The following SPG7 variants were observed in gnomAD, a reference collection of about 807,000 sequenced individuals.
SPG7 encodes SPG7 matrix AAA peptidase subunit, paraplegin.
In SPG7, 103 loss-of-function variants were observed where a neutral mutation model predicts 81.9. The ratio of observed to expected loss-of-function variants is 1.26; its 90% CI spans 1.07 to 1.48. The LOEUF (loss-of-function observed/expected upper bound fraction) is 1.48, where lower values mean the gene tolerates loss of function less well. SPG7 is among the 40% of genes most tolerant of loss of function. The pLI is 0.00. For missense variants in SPG7, 1,241 were observed against 1,087.3 expected, an observed-to-expected ratio of 1.14 and a Z score of -1.99; for synonymous variants, 534 against 444.2, an observed-to-expected ratio of 1.20 and a Z score of -2.54.
At chr16:89,542,269 G>A (rs1261990148) in intron 9 of SPG7, 2 of 152,212 alleles carry the variant, frequency 1.3e-5, no homozygotes, top group African/African-American at 4.8e-5. Context: ...GGCGCTCCAC[G>A]ACACTGAGCA....
intron 10 of SPG7, chr16:89,545,028 C>T (rs1024477462): frequency 4.6e-5 from 25 of 542,040 alleles, no homozygotes; most frequent in African/African-American, 9.5e-5. Context: ...ACTCACTGCT[C>T]GGGGTTTTGC....
Position 89,510,405 on chromosome 16 carries a change from T to C in SPG7, c.184-85T>C, listed in dbSNP as rs563066366. 23 of 817,748 alleles carry C rather than the reference T, an allele frequency of 2.8e-5. No homozygotes were observed. In the East Asian group the frequency reaches 5.9e-4, roughly 21 times the overall value. 50.7% of individuals were successfully genotyped at this position (817,748 alleles called of 1,614,324 possible). On this transcript the variant is annotated intron_variant, in intron 1 of 16. Transcript: ENST00000645818. ...ATTACAAATAATTATATATTTGAAC[T>C]TTTAAAAACGATTTTTAGTCTGCAT...
At chr16:89,534,108 C>T (rs557283069) in intron 9 of SPG7, among the ~76,000 whole-genome samples, 5 of 152,344 alleles carry the variant, frequency 3.3e-5, no homozygotes, top group African/African-American at 1.2e-4. Context: ...GCCACCACCA[C>T]GTGTCTCCAG....
intron 16 of SPG7, chr16:89,555,926 C>G (rs563866828): frequency 2.5e-6 from 1 of 398,858 alleles, no homozygotes; most frequent in African/African-American, 2.1e-5. Context: ...CTTAGACTGT[C>G]GTCCCCAGCC....
At chr16:89,532,658 A>C (rs781039710) in intron 9 of SPG7, 22 bp downstream of exon 9, 2 of 1,612,384 alleles carry the variant, frequency 1.2e-6, no homozygotes, top group Non-Finnish European at 1.7e-6. Flanking sequence ...TGCGCCCCGC[A>C]CCCCCATTGC....
Position 89,532,020 on chromosome 16 carries a change from G to A in SPG7, c.1104G>A (p.Val368=). Residue 368 remains valine, a synonymous_variant, in exon 8 of 17, where the codon GTG becomes GTA. Transcript: ENST00000645818. ...AGGCGGTGGCCACGGAGGCTCAGGTGCCCTTCCTGGCGATGGCCGGCCCAG... is the reference window on the plus strand; with the variant it reads ...AGGCGGTGGCCACGGAGGCTCAGGTACCCTTCCTGGCGATGGCCGGCCCAG... ...LAKAVATEAQ[V]PFLAMAGPEF... is the part of the protein sequence containing the mutation. 6 of 1,613,682 alleles carry A rather than the reference G, an allele frequency of 3.7e-6. No homozygotes were observed. Among genetic ancestry groups the A allele is most frequent in the Non-Finnish European group, 5.1e-6 (6 of 1,179,978 alleles).
At chr16:89,513,937 C>A (rs986798213) in intron 3 of SPG7, among the ~76,000 whole-genome samples, 1 of 152,092 alleles carries the variant, frequency 6.6e-6, no homozygotes, top group African/African-American at 2.4e-5. Flanking sequence ...ATTGTGAATT[C>A]GAGTTTAGCA....
intron 5 of SPG7, chr16:89,528,586 A>G (rs1345386964): frequency 6.6e-6 from 1 of 150,768 alleles, no homozygotes; most frequent in Non-Finnish European, 1.5e-5. Context: ...GGATGAGGGC[A>G]AAAGTCCTGG....
At position 89,524,028 on chromosome 16, in the gene SPG7, G is replaced by A. The variant is rs755161644; in HGVS notation, c.399G>A (p.Arg133=). The A allele has an allele frequency of 1.9e-6, 3 of 1,613,174 alleles. No individual in the cohort carries two copies. The East Asian group carries it at 6.7e-5, about 36-fold the overall frequency. ...EDEEERRRRE[R]DDQMYRERLR... Reference sequence around the variant, plus strand: ...CAGAGGAGAGGAGACGCCGTGAGCGGGACGACCAGATGTACCGAGAGCGGC... The same window carrying A: ...CAGAGGAGAGGAGACGCCGTGAGCGAGACGACCAGATGTACCGAGAGCGGC... The change falls in exon 4 of 17, where the codon CGG becomes CGA. Residue 133 remains arginine (R), a synonymous_variant. Coordinates refer to ENST00000645818, the MANE Select transcript of SPG7 (RefSeq NM_003119.4).
chr16:89,510,198 C>T (rs2057995883), intron 1 of SPG7, among the ~76,000 whole-genome samples: 1 of 151,924 alleles, frequency 6.6e-6, no homozygotes, highest in South Asian at 2.1e-4. Context: ...TGGTCTCAAA[C>T]TCCTGACTTC....
chr16:89,517,609 T>C (rs982818606), intron 3 of SPG7: 2 of 149,274 alleles, frequency 1.3e-5, no homozygotes, highest in African/African-American at 4.9e-5. Context: ...TGAGTAATTG[T>C]CGTCGTCTTT....
At chr16:89,529,650 T>A in intron 6 of SPG7, 71 bp downstream of exon 6, 3 of 1,156,204 alleles carry the variant, frequency 2.6e-6, no homozygotes, top group Non-Finnish European at 3.8e-6. Context: ...TCCCATAAGC[T>A]ATACGATGAA....
chr16:89,553,740 A>G lies in SPG7; in HGVS notation c.1937-54A>G, dbSNP rs730264. The G allele has an allele frequency of 0.19, 299,060 of 1,579,840 alleles. 29,389 individuals are homozygous for G. Among genetic ancestry groups the G allele is most frequent in the African/African-American group, 0.26 (19,365 of 74,378 alleles). On this transcript the variant is annotated intron_variant, in intron 14 of 16. Transcript: ENST00000645818. Reference sequence around the variant, plus strand: ...CTGACCGGGACACCTGGGGCCCAGCACTGCTCTGCGCCTGCAGTGCTGAGG... The same window carrying G: ...CTGACCGGGACACCTGGGGCCCAGCGCTGCTCTGCGCCTGCAGTGCTGAGG...
At chr16:89,547,433 T>G (rs943410020) in intron 11 of SPG7, 1 of 180,654 alleles carries the variant, frequency 5.5e-6, no homozygotes, top group Admixed American at 5.4e-5. Context: ...GTCTGTGGAA[T>G]GGCCTCAGTG....
chr16:89,528,300 G>C (rs1007274513), intron 5 of SPG7, among the ~76,000 whole-genome samples: 1 of 151,856 alleles, frequency 6.6e-6, no homozygotes, highest in Non-Finnish European at 1.5e-5. Flanking sequence ...GCTGAGGCAG[G>C]AGGATGGCGT....
intron 12 of SPG7, chr16:89,549,308 A>C (rs932742028): frequency 2.3e-5 from 10 of 436,994 alleles, no homozygotes; most frequent in African/African-American, 2.0e-4. Context: ...ATGTGTGGAA[A>C]ATCTGAGACA....
chr16:89,512,195 G>A (rs540001630), intron 2 of SPG7, among the ~76,000 whole-genome samples: 184 of 151,960 alleles, frequency 1.2e-3, no homozygotes, highest in Non-Finnish European at 1.4e-3. Flanking sequence ...ACAGGCGTGC[G>A]CCACTGCACC....
At chr16:89,549,262 G>A (rs1006268284) in intron 12 of SPG7, 2 of 456,798 alleles carry the variant, frequency 4.4e-6, no homozygotes, top group African/African-American at 2.0e-5. Context: ...TCAGGACCAC[G>A]AGCTGATTCA....
chr16:89,532,813 G>A (rs1300841188), intron 9 of SPG7, 177 bp downstream of exon 9: 8 of 754,560 alleles, frequency 1.1e-5, no homozygotes, highest in Non-Finnish European at 1.5e-5. Context: ...ACCCGGCGCA[G>A]TGGCTCACGC....
Sources: gnomAD v4.1 joint callset for allele counts (sites outside exome capture counted in the v4.1 genomes callset) on GRCh38, gnomAD v4.1.1 for gene constraint, MANE v1.5 for transcripts, NCBI Gene and HGNC (gene_info 2026-07-23, HGNC 2026-07-21) for gene names.